The following MANBA variants were observed in gnomAD, a reference collection of about 807,000 sequenced individuals.
The protein encoded by MANBA is mannosidase beta.
A neutral mutation model predicts 111.1 loss-of-function variants in MANBA; 83 were observed. The ratio of observed to expected loss-of-function variants is 0.75; its 90% CI spans 0.63 to 0.90. The LOEUF (loss-of-function observed/expected upper bound fraction) is 0.90. Among genes scored for constraint, MANBA ranks in the 40% least tolerant of loss-of-function variants. The pLI, the probability that MANBA is intolerant of heterozygous loss-of-function variation, is 0.00. For missense variants in MANBA, 1,036 were observed against 1,069.0 expected (o/e 0.97, Z 0.43); for synonymous variants, 370 against 378.7 (o/e 0.98, Z 0.27).
intron 1 of MANBA, among the ~76,000 whole-genome samples, chr4:102,740,551 T>C (rs1230475717): frequency 6.6e-6 from 1 of 152,002 alleles, no homozygotes; most frequent in South Asian, 2.1e-4. Context: ...AACTATACTA[T>C]AAGGATATAG....
In MANBA at chr4:102,650,479, C is replaced by A. The variant is rs1418680284; in HGVS notation, c.1869+58G>T. On this transcript the variant is annotated intron_variant, in intron 13 of 16. Coordinates refer to ENST00000647097, the MANE Select transcript of MANBA (RefSeq NM_005908.4). ...CACCATATATGGCCTACAAAATCTACATAATCTCTTACATTAATTGCAGGA... is the reference window on the plus strand; with the variant it reads ...CACCATATATGGCCTACAAAATCTAAATAATCTCTTACATTAATTGCAGGA... 9 of 1,518,670 alleles carry A rather than the reference C, an allele frequency of 5.9e-6. No homozygotes were observed. In the South Asian group the frequency reaches 9.0e-5, roughly 15 times the overall value. 94.1% of individuals were successfully genotyped at this position (1,518,670 alleles called of 1,614,324 possible). A position where few individuals can be genotyped will look rare whatever the true frequency, so the allele number is the denominator to read the frequency against.
chr4:102,656,821 C>T (rs1052087372), intron 12 of MANBA, among the ~76,000 whole-genome samples: 3 of 152,108 alleles, frequency 2.0e-5, no homozygotes, highest in African/African-American at 7.2e-5. Flanking sequence ...GAATCAGTCT[C>T]AAAAGACCAC....
chr4:102,705,545 C>T (rs190092801), intron 5 of MANBA, among the ~76,000 whole-genome samples: 174 of 152,294 alleles, frequency 1.1e-3, no homozygotes, highest in Non-Finnish European at 2.3e-3. Context: ...GGAAGGGCTA[C>T]CCTGCTTATC....
chr4:102,699,042 G>A (rs979477704), intron 5 of MANBA, among the ~76,000 whole-genome samples: 3 of 151,960 alleles, frequency 2.0e-5, no homozygotes, highest in African/African-American at 7.2e-5. Flanking sequence ...TTGAGCAGTG[G>A]TTTGTAGTTC....
chr4:102,734,500 A>G, intron 1 of MANBA: 1 of 1,606,962 alleles, frequency 6.2e-7, no homozygotes, highest in Non-Finnish European at 8.5e-7. Flanking sequence ...CCCAAGTTCC[A>G]CGAGGTGGAG....
At chr4:102,756,797 TAAAAAAA>T (rs35787338) in intron 1 of MANBA, among the ~76,000 whole-genome samples, 3 of 72,006 alleles carry the variant, frequency 4.2e-5, no homozygotes, top group South Asian at 6.1e-4. Context: ...AGAGACTATC[TAAAAAAA>T]AAAAAAAAAA....
chr4:102,673,817 A>G, intron 8 of MANBA, 102 bp downstream of exon 8: 1 of 1,060,474 alleles, frequency 9.4e-7, no homozygotes, highest in Non-Finnish European at 1.5e-6. Context: ...ACTACCTCTT[A>G]GTTCCTTGCC....
intron 1 of MANBA, among the ~76,000 whole-genome samples, chr4:102,738,157 A>C (rs1463428277): frequency 6.6e-6 from 1 of 152,252 alleles, no homozygotes; most frequent in Non-Finnish European, 1.5e-5. Context: ...AACTGATAAA[A>C]GAACAACCCT....
chr4:102,720,367 G>A (rs1352267726), intron 4 of MANBA, among the ~76,000 whole-genome samples: 4 of 150,532 alleles, frequency 2.7e-5, no homozygotes, highest in Non-Finnish European at 4.4e-5. Flanking sequence ...CCCAGGAGGC[G>A]GAGCTTGCAG....
At chr4:102,715,454 A>G (rs566196064) in intron 4 of MANBA, among the ~76,000 whole-genome samples, 6 of 152,340 alleles carry the variant, frequency 3.9e-5, no homozygotes, top group South Asian at 4.1e-4. Flanking sequence ...TTTTGTTTAT[A>G]TTATTTTTTA....
chr4:102,723,926 G>A lies in MANBA; in HGVS notation c.314C>T (p.Thr105Met), dbSNP rs750398466. 20 of 1,610,272 alleles carry A rather than the reference G, an allele frequency of 1.2e-5. No individual in the cohort carries two copies. Among genetic ancestry groups the A allele is most frequent in the East Asian group, 4.5e-5 (2 of 44,754 alleles). The change falls in exon 3 of 17, where the codon ACG becomes ATG. Residue 105 changes from threonine (T) to methionine (M), a missense_variant. Coordinates refer to ENST00000647097, the MANE Select transcript of MANBA (RefSeq NM_005908.4). ...KVNLILEGVDTVSKILFNEVT... is the reference protein window; with the variant it reads ...KVNLILEGVDMVSKILFNEVT... ...TTCATTGAACAGGATTTTTGAAACCGTATCCACTCCCTCAAGAATCAAATT... is the reference window on the plus strand; with the variant it reads ...TTCATTGAACAGGATTTTTGAAACCATATCCACTCCCTCAAGAATCAAATT...
At chr4:102,692,732 G>A (rs1732538907) in intron 5 of MANBA, among the ~76,000 whole-genome samples, 1 of 152,048 alleles carries the variant, frequency 6.6e-6, no homozygotes, top group South Asian at 2.1e-4. Flanking sequence ...AAGTATGGAG[G>A]GAGTTCCTAT....
At chr4:102,695,462 T>C (rs1404357491) in intron 5 of MANBA, among the ~76,000 whole-genome samples, 1 of 152,176 alleles carries the variant, frequency 6.6e-6, no homozygotes, top group African/African-American at 2.4e-5. Context: ...GTATCAATGT[T>C]TTCATCTAGT....
intron 5 of MANBA, among the ~76,000 whole-genome samples, chr4:102,698,596 C>T (rs1234347327): frequency 0.011 from 1,618 of 147,094 alleles, 12 homozygotes; most frequent in African/African-American, 0.032. Flanking sequence ...TTTCCCAGCA[C>T]CATTTATTGA....
rs1729388460 is a variant in MANBA at position 102,631,837 on chromosome 4, G to A, written c.*220C>T. ...AAACACAGTCCTGGCACAGATTCCAGGACACCCCGGCACAGGCTTGTTTGA... is the reference window on the plus strand; with the variant it reads ...AAACACAGTCCTGGCACAGATTCCAAGACACCCCGGCACAGGCTTGTTTGA... On this transcript the variant is annotated 3_prime_UTR_variant, in exon 17 of 17. Transcript: ENST00000647097. 1 of 622,682 alleles carries A rather than the reference G, an allele frequency of 1.6e-6. No homozygotes were observed. The highest frequency in any genetic ancestry group is 2.7e-5 in the Admixed American group (1 of 37,472). The allele number at this position is 622,682 out of a possible 1,614,324, so 38.6% of individuals were successfully genotyped here.
At chr4:102,707,689 C>T (rs1306589178) in intron 5 of MANBA, among the ~76,000 whole-genome samples, 2 of 152,120 alleles carry the variant, frequency 1.3e-5, no homozygotes, top group Non-Finnish European at 2.9e-5. Context: ...ATGAATTAAA[C>T]TTTCCACTTA....
chr4:102,647,439 A>T (rs529320168), intron 13 of MANBA, among the ~76,000 whole-genome samples: 1 of 151,756 alleles, frequency 6.6e-6, no homozygotes, highest in Admixed American at 6.6e-5. Flanking sequence ...ATAAGTTCAG[A>T]AAAGAAAAAT....
intron 1 of MANBA, chr4:102,730,044 C>T: frequency 1.2e-6 from 1 of 804,712 alleles, no homozygotes; most frequent in Non-Finnish European, 2.1e-6. Context: ...GAAGCTGCTG[C>T]TGCCCACTAG....
intron 1 of MANBA, among the ~76,000 whole-genome samples, chr4:102,754,617 C>T (rs991962526): frequency 6.6e-6 from 1 of 151,512 alleles, no homozygotes; most frequent in African/African-American, 2.4e-5. Flanking sequence ...AGTGCAGTGG[C>T]GTGATCTTGG....
Sources: gnomAD v4.1 joint callset for allele counts (sites outside exome capture counted in the v4.1 genomes callset) on GRCh38, gnomAD v4.1.1 for gene constraint, MANE v1.5 for transcripts, NCBI Gene and HGNC (gene_info 2026-07-23, HGNC 2026-07-21) for gene names.